Variants in EIF4E3 observed in about 807,000 individuals in gnomAD.
EIF4E3 encodes eukaryotic translation initiation factor 4E type 3.
In EIF4E3, 26 loss-of-function variants were observed where a neutral mutation model predicts 31.7. The observed-to-expected ratio is 0.82, with a 90% CI of 0.60 to 1.14. The LOEUF (loss-of-function observed/expected upper bound fraction) is 1.14. EIF4E3 is among the 50% of genes most tolerant of loss of function. The pLI, the probability that EIF4E3 is intolerant of heterozygous loss-of-function variation, is 0.00. For missense variants in EIF4E3, 304 were observed against 270.9 expected, an observed-to-expected ratio of 1.12 and a Z score of -0.86; for synonymous variants, 128 against 107.7, an observed-to-expected ratio of 1.19 and a Z score of -1.17.
At chr3:71,674,700 T>A (rs1017439571), downstream of EIF4E3, among the ~76,000 whole-genome samples, 8 of 152,146 alleles carry the variant, frequency 5.3e-5, no homozygotes, top group African/African-American at 1.2e-4. Flanking sequence ...AGTGGGAAAG[T>A]TTCCTTGAAG....
At chr3:71,736,676 A>T (rs1357706372) in intron 1 of EIF4E3, among the ~76,000 whole-genome samples, 6 of 152,234 alleles carry the variant, frequency 3.9e-5, no homozygotes. Context: ...GAATAGGCGG[A>T]GCAAAGATTT....
intron 6 of EIF4E3, among the ~76,000 whole-genome samples, chr3:71,687,029 T>C (rs1180038101): frequency 1.3e-5 from 2 of 152,220 alleles, no homozygotes; most frequent in African/African-American, 4.8e-5. Flanking sequence ...AGACAGAGTT[T>C]TTCTCTTGTC....
chr3:71,739,292 CAG>C (rs1197368719), intron 1 of EIF4E3, among the ~76,000 whole-genome samples: 1 of 151,584 alleles, frequency 6.6e-6, no homozygotes, highest in Non-Finnish European at 1.5e-5. Flanking sequence ...AAAATCAAAA[CAG>C]AAAAATAATA....
At position 71,721,907 on chromosome 3, in the gene EIF4E3, A is replaced by C. The variant is rs115390403; in HGVS notation, c.176+3285T>G. ...GGCAAGCACTGATGGAGGTGAGAGC[A>C]CTCCAAGCAGTAGGGGGTGTCAGTG... On this transcript the variant is annotated intron_variant, in intron 1 of 6. Coordinates refer to ENST00000425534, the MANE Select transcript of EIF4E3 (RefSeq NM_001134651.2). 1.7e-3 allele frequency among the ~76,000 whole-genome samples: 255 copies of C among 152,162 alleles called. 1 individual carries two copies. The highest frequency in any genetic ancestry group is 2.6e-3 in the Non-Finnish European group (175 of 68,010).
At chr3:71,702,484 T>C (rs1363695275) in intron 2 of EIF4E3, among the ~76,000 whole-genome samples, 1 of 152,116 alleles carries the variant, frequency 6.6e-6, no homozygotes, top group African/African-American at 2.4e-5. Flanking sequence ...AAACACTTCT[T>C]CCATTTCAAA....
intron 1 of EIF4E3, among the ~76,000 whole-genome samples, chr3:71,752,898 A>C (rs1439063885): frequency 6.6e-6 from 1 of 152,208 alleles, no homozygotes; most frequent in Non-Finnish European, 1.5e-5. Context: ...GAGAATCATA[A>C]CAGGGGCTGC....
chr3:71,706,984 G>C (rs2049302536), intron 2 of EIF4E3, among the ~76,000 whole-genome samples: 1 of 152,178 alleles, frequency 6.6e-6, no homozygotes, highest in African/African-American at 2.4e-5. Context: ...AAACTCAAAA[G>C]TTATTGATAA....
At chr3:71,728,634 AAAC>A (rs1475386415), upstream of EIF4E3, 7 of 152,882 alleles carry the variant, frequency 4.6e-5, no homozygotes, top group African/African-American at 1.7e-4. Context: ...CTAGCAACAA[AAAC>A]AACAAGAAGG....
intron 1 of EIF4E3, among the ~76,000 whole-genome samples, chr3:71,724,091 T>C (rs1276402607): frequency 2.6e-5 from 4 of 152,222 alleles, no homozygotes; most frequent in African/African-American, 4.8e-5. Flanking sequence ...CTCAGAACAC[T>C]GTCACACATT....
chr3:71,690,990 C>T (rs182822116), intron 5 of EIF4E3, among the ~76,000 whole-genome samples: 14 of 152,290 alleles, frequency 9.2e-5, no homozygotes, highest in Admixed American at 4.6e-4. Flanking sequence ...TAGTTGAGAA[C>T]GGCGGATGGA....
At chr3:71,725,520 A>T, upstream of EIF4E3, 5 of 285,154 alleles carry the variant, frequency 1.8e-5, no homozygotes, top group Non-Finnish European at 2.0e-5. This position sits in a 1 kb window ranked among gnomAD's most constrained non-coding sequence, Gnocchi z 6.1. Flanking sequence ...CGCCGCCTTC[A>T]GGGCCTGGGA....
At chr3:71,689,867 A>AAAAC in intron 6 of EIF4E3, 143 bp downstream of exon 6, 3 of 797,896 alleles carry the variant, frequency 3.8e-6, no homozygotes, top group Admixed American at 4.3e-5. Flanking sequence ...AAAAAAAAAA[A>AAAAC]ACTTAAATGT....
At chr3:71,694,800 T>C (rs2049112086) in intron 4 of EIF4E3, among the ~76,000 whole-genome samples, 1 of 152,154 alleles carries the variant, frequency 6.6e-6, no homozygotes, top group Admixed American at 6.5e-5. Flanking sequence ...GAAATAATAA[T>C]AGGTCCGACC....
intron 1 of EIF4E3, among the ~76,000 whole-genome samples, chr3:71,743,670 AAAG>A (rs1372672710): frequency 6.6e-6 from 1 of 152,176 alleles, no homozygotes; most frequent in East Asian, 1.9e-4. Flanking sequence ...ACAACTAGAA[AAAG>A]AAGAACAATT....
At chr3:71,690,633 T>A (rs1243107363) in intron 5 of EIF4E3, among the ~76,000 whole-genome samples, 2 of 152,140 alleles carry the variant, frequency 1.3e-5, no homozygotes, top group African/African-American at 4.8e-5. Flanking sequence ...GACCTTGGAG[T>A]GGTCAGCGCT....
the EIF4E3 span, among the ~76,000 whole-genome samples, chr3:71,665,725 T>C: frequency 1.3e-5 from 2 of 152,066 alleles, no homozygotes; most frequent in Admixed American, 6.5e-5. Context: ...TCAGCAAATG[T>C]AAAGGAATGG....
In EIF4E3 at chr3:71,678,557, A is replaced by G. The variant is rs1467047773; in HGVS notation, c.*6125T>C. The G allele has an allele frequency of 2.0e-5, 3 of 152,160 alleles. No homozygotes were observed. The highest frequency in any genetic ancestry group is 2.9e-5 in the Non-Finnish European group (2 of 68,028). 9.4% of individuals were successfully genotyped at this position (152,160 alleles called of 1,614,324 possible). On this transcript the variant is annotated 3_prime_UTR_variant, in exon 7 of 7. Coordinates refer to ENST00000425534, the MANE Select transcript of EIF4E3 (RefSeq NM_001134651.2). ...AACTTTCACATGTATCTGAACATCA[A>G]ACACAACACACAATATAAAATCAAA...
chr3:71,753,137 C>T (rs2049951656), intron 1 of EIF4E3, among the ~76,000 whole-genome samples: 1 of 152,148 alleles, frequency 6.6e-6, no homozygotes, highest in Non-Finnish European at 1.5e-5. Flanking sequence ...TCCCGGCTCT[C>T]AACTCCCTTG....
chr3:71,717,491 C>G lies in EIF4E3; in HGVS notation c.177-7007G>C, dbSNP rs548929115. On this transcript the variant is annotated intron_variant, in intron 1 of 6. Transcript: ENST00000425534. ...TTTCAGGCAAGGGCTCTCTTCTTTT[C>G]TCAGCAAATTCCGAGGCAGGGAGTC... 7.9e-5 allele frequency among the ~76,000 whole-genome samples: 12 copies of G among 152,318 alleles called. No individual in the cohort carries two copies. In the East Asian group the frequency reaches 2.3e-3, roughly 29 times the overall value.
Sources: gnomAD v4.1 joint callset for allele counts (sites outside exome capture counted in the v4.1 genomes callset) on GRCh38, gnomAD v4.1.1 for gene constraint, Gnocchi (gnomAD v3.1) non-coding constraint, MANE v1.5 for transcripts, NCBI Gene and HGNC (gene_info 2026-07-23, HGNC 2026-07-21) for gene names.